The following STK32C variants were observed in gnomAD, a reference collection of about 807,000 sequenced individuals.
STK32C encodes the protein serine/threonine kinase 32C.
Under a neutral mutation model 56.5 loss-of-function variants are expected in STK32C, and 31 were observed. That is an observed-to-expected ratio of 0.55 (90% CI 0.41 to 0.74). The LOEUF (loss-of-function observed/expected upper bound fraction) is 0.74. STK32C is among the 30% of genes least tolerant of loss of function. The pLI, the probability that STK32C is intolerant of heterozygous loss-of-function variation, is 0.00. For synonymous variants in STK32C, 309 were observed against 289.4 expected, an observed-to-expected ratio of 1.07 and a Z score of -0.69; for missense variants, 544 against 676.9, an observed-to-expected ratio of 0.80 and a Z score of 2.18.
rs556449195 is a variant in STK32C at position 132,281,966 on chromosome 10, C to T, written c.262+25606G>A. Among the ~76,000 whole-genome samples the T allele has an allele frequency of 3.9e-5, 6 of 152,368 alleles. No individual in the cohort carries two copies. The South Asian group carries it at 1.2e-3, about 32-fold the overall frequency. On this transcript the variant is annotated intron_variant, in intron 1 of 11. Coordinates refer to ENST00000298630, the MANE Select transcript of STK32C (RefSeq NM_173575.4). ...GGGGCCACTCTCCCCATGCTGTCCGCTGCCACTCTCAGAGCAGCGTCCCTG... is the reference window on the plus strand; with the variant it reads ...GGGGCCACTCTCCCCATGCTGTCCGTTGCCACTCTCAGAGCAGCGTCCCTG...
chr10:132,314,123 C>T (rs939057561), intron 1 of STK32C, among the ~76,000 whole-genome samples: 1 of 152,230 alleles, frequency 6.6e-6, no homozygotes, highest in African/African-American at 2.4e-5. Flanking sequence ...TGGGCCCCGC[C>T]CTTCTCTGCC....
At chr10:132,212,704 C>T (rs113745657) in intron 10 of STK32C, among the ~76,000 whole-genome samples, 20 of 152,326 alleles carry the variant, frequency 1.3e-4, no homozygotes, top group African/African-American at 4.3e-4. Context: ...GACATGACTC[C>T]GACGAAGAAA....
chr10:132,214,941 G>C (rs1347240019), intron 10 of STK32C, among the ~76,000 whole-genome samples: 2 of 152,116 alleles, frequency 1.3e-5, no homozygotes, highest in African/African-American at 4.8e-5. Flanking sequence ...AGAAAAGGCA[G>C]AAAAATAGGG....
At chr10:132,269,337 C>T (rs1386359274) in intron 1 of STK32C, among the ~76,000 whole-genome samples, 1 of 152,340 alleles carries the variant, frequency 6.6e-6, no homozygotes, top group Admixed American at 6.5e-5. Context: ...ATCTGACCGA[C>T]ACATGGTGCC....
chr10:132,314,687 T>C (rs916356379), intron 1 of STK32C, among the ~76,000 whole-genome samples: 6 of 152,150 alleles, frequency 3.9e-5, no homozygotes, highest in Non-Finnish European at 4.4e-5. Context: ...AAAAAAGATA[T>C]ACCATGCAAA....
intron 1 of STK32C, among the ~76,000 whole-genome samples, chr10:132,327,080 T>C (rs1375965154): frequency 6.6e-6 from 1 of 152,236 alleles, no homozygotes; most frequent in Non-Finnish European, 1.5e-5. Flanking sequence ...TGATACGGTT[T>C]GGCTGTGTCT....
chr10:132,260,478 T>C (rs527661978), intron 1 of STK32C, among the ~76,000 whole-genome samples: 1 of 152,210 alleles, frequency 6.6e-6, no homozygotes, highest in East Asian at 1.9e-4. Context: ...CGCCCTCCCA[T>C]ACCCTCCCAC....
At chr10:132,294,826 C>A (rs919460319) in intron 1 of STK32C, among the ~76,000 whole-genome samples, 1 of 152,176 alleles carries the variant, frequency 6.6e-6, no homozygotes, top group African/African-American at 2.4e-5. Flanking sequence ...CCGTCCCCTT[C>A]CCCGGAAGTC....
In STK32C at chr10:132,255,493, C is replaced by A. The variant is rs1404121202; in HGVS notation, c.263-9538G>T. ...CGGGCAGGGTTGACGCAGATGGGGA[C>A]AAGACAGGTGGGGGCTAGAGACAGG... On this transcript the variant is annotated intron_variant, in intron 1 of 11. Coordinates refer to ENST00000298630, the MANE Select transcript of STK32C (RefSeq NM_173575.4). This position sits in a 1 kb window ranked among gnomAD's most constrained non-coding sequence, Gnocchi z 4.6. Among the ~76,000 whole-genome samples the A allele has an allele frequency of 1.3e-5, 2 of 152,138 alleles. No homozygotes were observed. The highest frequency in any genetic ancestry group is 3.9e-4 in the East Asian group (2 of 5,184).
At chr10:132,257,532 C>T (rs1171276690) in intron 1 of STK32C, among the ~76,000 whole-genome samples, 3 of 151,956 alleles carry the variant, frequency 2.0e-5, no homozygotes, top group Non-Finnish European at 2.9e-5. Context: ...ATGGGCGGGG[C>T]GGAGCTGCGA....
chr10:132,312,933 A>G (rs2066247515), upstream of STK32C, among the ~76,000 whole-genome samples: 1 of 152,230 alleles, frequency 6.6e-6, no homozygotes, highest in Non-Finnish European at 1.5e-5. Flanking sequence ...CCAGCTACTC[A>G]GGAAGCTGAG....
chr10:132,231,510 A>G (rs992866963), intron 2 of STK32C, among the ~76,000 whole-genome samples: 8 of 152,230 alleles, frequency 5.3e-5, no homozygotes, highest in Non-Finnish European at 1.2e-4. Flanking sequence ...GTGCAGGGTG[A>G]GTGGCCATGG....
intron 1 of STK32C, among the ~76,000 whole-genome samples, chr10:132,331,252 C>T (rs562532785): frequency 6.9e-6 from 1 of 144,966 alleles, no homozygotes; most frequent in African/African-American, 2.5e-5. Flanking sequence ...TCCAGCTAAA[C>T]TGTCCGGGTT....
chr10:132,208,297 T>C (rs1288199583), intron 11 of STK32C, 146 bp from the exon 12 acceptor site: 5 of 1,018,342 alleles, frequency 4.9e-6, no homozygotes, highest in African/African-American at 1.7e-5. Flanking sequence ...GGAGAGGCCA[T>C]GCTCCCGATA....
chr10:132,298,663 G>T (rs1353813903), intron 1 of STK32C, among the ~76,000 whole-genome samples: 2 of 151,262 alleles, frequency 1.3e-5, no homozygotes, highest in African/African-American at 4.9e-5. Context: ...TGGGGTCACT[G>T]GGGGGGAGTT....
intron 1 of STK32C, among the ~76,000 whole-genome samples, chr10:132,271,821 G>C (rs2064835577): frequency 6.6e-6 from 1 of 152,188 alleles, no homozygotes; most frequent in Non-Finnish European, 1.5e-5. Flanking sequence ...GAGTTTTCCA[G>C]AGACTCCTGC....
chr10:132,251,123 G>A (rs2137984717), intron 1 of STK32C, among the ~76,000 whole-genome samples: 1 of 152,308 alleles, frequency 6.6e-6, no homozygotes, highest in Non-Finnish European at 1.5e-5. Context: ...TCTGCCACAG[G>A]ACCGGCCTGG....
In STK32C at chr10:132,244,586, C is replaced by T. The variant is rs558816996; in HGVS notation, c.318+1314G>A. ...TCAGATGCCCTCGGCCTGGCCCTCT[C>T]CAGACATGCTGGCCGGGCCCAGGCT... On this transcript the variant is annotated intron_variant, in intron 2 of 11. Coordinates refer to ENST00000298630, the MANE Select transcript of STK32C (RefSeq NM_173575.4). Among the ~76,000 whole-genome samples, 14 of 152,354 alleles carry T rather than the reference C, an allele frequency of 9.2e-5. No individual in the cohort carries two copies. The East Asian group carries it at 2.1e-3, about 23-fold the overall frequency.
chr10:132,238,281 T>A (rs1396819559), intron 2 of STK32C, among the ~76,000 whole-genome samples: 1 of 152,226 alleles, frequency 6.6e-6, no homozygotes, highest in Non-Finnish European at 1.5e-5. Context: ...CCCCTTGCTT[T>A]AAAATGTAGG....
Sources: allele counts gnomAD v4.1 joint callset (sites outside exome capture counted in the v4.1 genomes callset), GRCh38; gene constraint gnomAD v4.1.1; non-coding constraint Gnocchi (gnomAD v3.1); transcripts MANE v1.5; gene names NCBI Gene and HGNC (gene_info 2026-07-23, HGNC 2026-07-21).